KCNAB1: variants seen among roughly 807,000 people sequenced by gnomAD.
KCNAB1 encodes voltage-gated potassium channel subunit beta-1.
A neutral mutation model predicts 64.6 loss-of-function variants in KCNAB1; 35 were observed. The ratio of observed to expected loss-of-function variants is 0.54; its 90% CI spans 0.41 to 0.72. KCNAB1 has a LOEUF of 0.72. KCNAB1 is among the 30% of genes least tolerant of loss of function. The pLI is 0.00. For missense variants in KCNAB1, 401 were observed against 512.9 expected, an observed-to-expected ratio of 0.78 and a Z score of 2.11; for synonymous variants, 177 against 183.8, an observed-to-expected ratio of 0.96 and a Z score of 0.30.
chr3:156,133,923 G>C (rs1177631798), intron 1 of KCNAB1, among the ~76,000 whole-genome samples: 1 of 151,158 alleles, frequency 6.6e-6, no homozygotes, highest in Non-Finnish European at 1.5e-5. Flanking sequence ...TTTTTTTTTA[G>C]GCTAACCCAC....
intron 4 of KCNAB1, 98 bp from the exon 5 acceptor site, chr3:156,459,729 C>G: frequency 2.4e-6 from 2 of 824,336 alleles, no homozygotes; most frequent in Non-Finnish European, 2.0e-6. Flanking sequence ...GATATGTAGG[C>G]ACTGAGAGTT....
At chr3:156,222,572 A>G (rs1192509934) in intron 1 of KCNAB1, among the ~76,000 whole-genome samples, 2 of 152,218 alleles carry the variant, frequency 1.3e-5, no homozygotes, top group Admixed American at 6.5e-5. Flanking sequence ...CCCTACAGCA[A>G]ATTGACTCAA....
At chr3:156,393,212 A>G (rs937623400) in intron 1 of KCNAB1, among the ~76,000 whole-genome samples, 1 of 152,194 alleles carries the variant, frequency 6.6e-6, no homozygotes, top group Admixed American at 6.5e-5. Context: ...TTGTCTCCCA[A>G]GGAGACTGCC....
At chr3:156,318,055 G>T (rs1166635486) in intron 1 of KCNAB1, among the ~76,000 whole-genome samples, 1 of 152,174 alleles carries the variant, frequency 6.6e-6, no homozygotes, top group African/African-American at 2.4e-5. Flanking sequence ...AGCCAAGCCT[G>T]CTTTAAAAGC....
downstream of KCNAB1, chr3:156,538,707 A>G (rs1346714416): frequency 3.3e-5 from 5 of 152,368 alleles, no homozygotes; most frequent in South Asian, 8.3e-4. Context: ...TTAGGCAATA[A>G]TCATCTAAAT....
chr3:156,141,445 A>C (rs1357598791), intron 1 of KCNAB1, among the ~76,000 whole-genome samples: 1 of 151,942 alleles, frequency 6.6e-6, no homozygotes, highest in East Asian at 1.9e-4. Context: ...TGAATTTGTT[A>C]TTCCTCTCTA....
intron 13 of KCNAB1, 121 bp downstream of exon 13, chr3:156,531,618 G>T (rs2280030): frequency 2.2e-5 from 17 of 762,302 alleles, no homozygotes; most frequent in Admixed American, 1.5e-4. Flanking sequence ...GGGGAACAAA[G>T]GCAACAGAAC....
chr3:156,310,736 G>A (rs1054074946), intron 1 of KCNAB1, among the ~76,000 whole-genome samples: 11 of 152,130 alleles, frequency 7.2e-5, no homozygotes, highest in Admixed American at 3.3e-4. Flanking sequence ...CTCAGGAGGC[G>A]GAGCTTGCAG....
chr3:156,152,882 T>A (rs1715496661), intron 1 of KCNAB1, among the ~76,000 whole-genome samples: 1 of 152,210 alleles, frequency 6.6e-6, no homozygotes, highest in South Asian at 2.1e-4. Flanking sequence ...TCCCAAAAGG[T>A]TAACTCTCGT....
intron 7 of KCNAB1, among the ~76,000 whole-genome samples, chr3:156,473,509 G>C (rs1714102384): frequency 6.6e-6 from 1 of 152,100 alleles, no homozygotes; most frequent in Non-Finnish European, 1.5e-5. Context: ...CCCTGTGCCT[G>C]AGCATCACAG....
intron 1 of KCNAB1, among the ~76,000 whole-genome samples, chr3:156,297,180 C>A (rs1720842444): frequency 6.6e-6 from 1 of 150,862 alleles, no homozygotes; most frequent in South Asian, 2.1e-4. Context: ...TCTTGGGTAA[C>A]CATTAATCTT....
At chr3:156,482,123 CT>C (rs993604998) in intron 8 of KCNAB1, among the ~76,000 whole-genome samples, 1 of 151,976 alleles carries the variant, frequency 6.6e-6, no homozygotes, top group Admixed American at 6.6e-5. Context: ...TCTTATAGCC[CT>C]TTTTTTCCTC....
chr3:156,503,745 C>T (rs1716621998), intron 8 of KCNAB1, among the ~76,000 whole-genome samples: 1 of 152,150 alleles, frequency 6.6e-6, no homozygotes, highest in South Asian at 2.1e-4. Flanking sequence ...TCTCAACCTC[C>T]ATTTATTTAT....
At chr3:156,210,208 TC>T (rs962055400) in intron 1 of KCNAB1, among the ~76,000 whole-genome samples, 1 of 152,238 alleles carries the variant, frequency 6.6e-6, no homozygotes, top group Non-Finnish European at 1.5e-5. Flanking sequence ...TGCCTCTGCC[TC>T]CCCTTGCTTT....
intron 1 of KCNAB1, among the ~76,000 whole-genome samples, chr3:156,202,648 C>T (rs1197705242): frequency 2.0e-5 from 3 of 152,110 alleles, no homozygotes; most frequent in Non-Finnish European, 4.4e-5. Flanking sequence ...ACTCAGTGCC[C>T]TTAGTATATT....
intron 8 of KCNAB1, among the ~76,000 whole-genome samples, chr3:156,509,036 A>G (rs1461638566): frequency 6.6e-6 from 1 of 151,858 alleles, no homozygotes; most frequent in African/African-American, 2.4e-5. Flanking sequence ...ATTTTTGCCA[A>G]ATTTCCCAGG....
At chr3:156,286,317 A>C (rs1720096905) in intron 1 of KCNAB1, among the ~76,000 whole-genome samples, 1 of 152,246 alleles carries the variant, frequency 6.6e-6, no homozygotes, top group South Asian at 2.1e-4. Flanking sequence ...TGCATCCTAG[A>C]AATTCTTTTA....
At chr3:156,140,974 A>C (rs547827897) in intron 1 of KCNAB1, among the ~76,000 whole-genome samples, 1 of 152,016 alleles carries the variant, frequency 6.6e-6, no homozygotes, top group East Asian at 1.9e-4. Context: ...GACCGAATGA[A>C]CAGTTTATGT....
intron 1 of KCNAB1, among the ~76,000 whole-genome samples, chr3:156,278,704 A>G (rs933985196): frequency 1.3e-5 from 2 of 152,142 alleles, no homozygotes; most frequent in African/African-American, 2.4e-5. Context: ...GCTGCTGGCC[A>G]GGCAGCTGTC....
Sources: allele counts gnomAD v4.1 joint callset (sites outside exome capture counted in the v4.1 genomes callset), GRCh38; gene constraint gnomAD v4.1.1; transcripts MANE v1.5; gene names NCBI Gene and HGNC (gene_info 2026-07-23, HGNC 2026-07-21).